The following GTF3A variants were observed in gnomAD, a reference collection of about 807,000 sequenced individuals.
GTF3A encodes transcription factor IIIA.
Under a neutral mutation model 37.6 loss-of-function variants are expected in GTF3A, and 40 were observed. The observed-to-expected ratio is 1.06, with a 90% confidence interval of 0.83 to 1.38. GTF3A has a LOEUF of 1.38. Ranked by LOEUF, GTF3A falls within the 40% of genes most tolerant of loss-of-function variation. GTF3A has a pLI of 0.00. For missense variants in GTF3A, 500 were observed against 462.6 expected (o/e 1.08, Z -0.74); for synonymous variants, 191 against 166.7 (o/e 1.15, Z -1.12).
At chr13:27,433,636 G>A (rs1214412247) in intron 5 of GTF3A, among the ~76,000 whole-genome samples, 1 of 151,682 alleles carries the variant, frequency 6.6e-6, no homozygotes, top group Admixed American at 6.6e-5. Flanking sequence ...GGAAGCCAGA[G>A]GTGGGCATGG....
At chr13:27,425,544 T>A (rs1232691736) in intron 1 of GTF3A, 1 of 152,538 alleles carries the variant, frequency 6.6e-6, no homozygotes, top group East Asian at 1.9e-4. Context: ...AAAGGGAGCC[T>A]GTGACCCTTG....
intron 3 of GTF3A, 50 bp from the exon 4 acceptor site, chr13:27,430,483 C>T (rs1300116788): frequency 8.9e-7 from 1 of 1,128,068 alleles, no homozygotes; most frequent in African/African-American, 1.5e-5. Context: ...ACGAACTGTT[C>T]ATTTTGTTTT....
intron 8 of GTF3A, 78 bp from the exon 9 acceptor site, chr13:27,435,355 G>T: frequency 7.0e-7 from 1 of 1,419,936 alleles, no homozygotes; most frequent in South Asian, 1.2e-5. Flanking sequence ...ATATCTGCTG[G>T]TACATATGAC....
At position 27,435,573 on chromosome 13, in the gene GTF3A, A is replaced by AGTT. The variant is rs771039997; in HGVS notation, c.1076_1078dup (p.Val359dup). 1.2e-6 allele frequency: 2 copies of AGTT among 1,613,760 alleles called. No homozygotes were observed. Among genetic ancestry groups the AGTT allele is most frequent in the East Asian group, 4.5e-5 (2 of 44,884 alleles). On this transcript the variant is annotated inframe_insertion, in exon 9 of 9. Transcript: ENST00000381140. Reference sequence around the variant, plus strand: ...GTGTGGAAGACAAGATGCTCTCGACAGTTGCAGTACTTACCCTTGGCTAAG... The same window carrying AGTT: ...GTGTGGAAGACAAGATGCTCTCGACAGTTGTTGCAGTACTTACCCTTGGCTAAG...
Position 27,424,635 on chromosome 13 carries a change from C to A in GTF3A, c.-103C>A. The A allele has an allele frequency of 1.3e-6, 1 of 789,360 alleles. No individual in the cohort carries two copies. Among genetic ancestry groups the A allele is most frequent in the Non-Finnish European group, 1.7e-6 (1 of 579,984 alleles). The allele number at this position is 789,360 out of a possible 1,614,324, so 48.9% of individuals were successfully genotyped here. ...CGCTCCCGGAAGTGTGCCGGCGTCG[C>A]GCGAAGGTTCAGCAGGGAGCCGTGG... On this transcript the variant is annotated 5_prime_UTR_variant, in exon 1 of 9. Coordinates refer to ENST00000381140, the MANE Select transcript of GTF3A (RefSeq NM_002097.3).
At position 27,424,908 on chromosome 13, in the gene GTF3A, T is replaced by A; in HGVS notation, c.171T>A (p.Leu57=). The change falls in exon 1 of 9, where the codon CTT becomes CTA. Residue 57 remains leucine (L), a synonymous_variant. Coordinates refer to ENST00000381140, the MANE Select transcript of GTF3A (RefSeq NM_002097.3). ...CCAATTACAGCAAAGCCTGGAAGCT[T>A]GACGCGCACCTGTGCAAGCACACGG... 6.5e-7 allele frequency: 1 copy of A among 1,549,764 alleles called. No individual in the cohort carries two copies. The highest frequency in any genetic ancestry group is 8.7e-7 in the Non-Finnish European group (1 of 1,146,176).
chr13:27,427,090 A>T lies in GTF3A; in HGVS notation c.202-2A>T. 6.7e-7 allele frequency: 1 copy of T among 1,485,448 alleles called. No individual in the cohort carries two copies. Among genetic ancestry groups the T allele is most frequent in the Non-Finnish European group, 9.4e-7 (1 of 1,063,778 alleles). The allele number at this position is 1,485,448 out of a possible 1,614,324, so 92.0% of individuals were successfully genotyped here. On this transcript the variant is annotated splice_acceptor_variant, in intron 1 of 8. Coordinates refer to ENST00000381140, the MANE Select transcript of GTF3A (RefSeq NM_002097.3). LOFTEE classifies it high-confidence loss of function. The stretch of plus-strand genomic sequence containing the variant: ...GACATGCTTTTTCTTTTTTCCTGCT[A>T]GAGACCATTTGTTTGTGACTATGAA...
rs1322956767 is a variant in GTF3A at position 27,428,871 on chromosome 13, C to G, written c.303-999C>G. On this transcript the variant is annotated intron_variant, in intron 2 of 8. Transcript: ENST00000381140. The stretch of plus-strand genomic sequence containing the variant: ...CACTGTGATGCCTGTTTGGGCCCAT[C>G]TGTCACATAAGCATGCCACTGGCAG... Among the ~76,000 whole-genome samples, 3 of 152,196 alleles carry G rather than the reference C, an allele frequency of 2.0e-5. No homozygotes were observed. The East Asian group carries it at 5.8e-4, about 29-fold the overall frequency.
rs772125013 is a variant in GTF3A, at chr13:27,424,745, C to A, written c.8C>A (p.Pro3Gln). 4.0e-5 allele frequency: 59 copies of A among 1,469,634 alleles called. No homozygotes were observed. In the African/African-American group the frequency reaches 8.3e-4, roughly 21 times the overall value. The allele number at this position is 1,469,634 out of a possible 1,614,324, so 91.0% of individuals were successfully genotyped here. A position where few individuals can be genotyped will look rare whatever the true frequency, so the allele number is the denominator to read the frequency against. The change falls in exon 1 of 9, where the codon CCG (proline) becomes CAG (glutamine). Residue 3 changes from proline to glutamine, a missense_variant. Pro to Gln is a moderately conservative substitution (Grantham distance 76). Coordinates refer to ENST00000381140, the MANE Select transcript of GTF3A (RefSeq NM_002097.3). ...CTTGGAGGCGCCGGCGCCCTGGATC[C>A]GCCGGCCGTGGTCGCCGAGTCGGTG...
rs748873906 is a variant in GTF3A, at chr13:27,435,458, G to A, written c.959G>A (p.Ser320Asn). Residue 320 changes from serine (S) to asparagine (N), a missense_variant, in exon 9 of 9, where the codon AGT (serine) becomes AAT (asparagine). Physicochemically the swap from Ser to Asn is conservative, Grantham distance 46. Coordinates refer to ENST00000381140, the MANE Select transcript of GTF3A (RefSeq NM_002097.3). ...GTCAAAAAATCTCGTGAAAAACGGA[G>A]TTTGGCCTCTCATCTCAGTGGATAT... is the stretch of plus-strand genomic sequence containing the variant. 18 of 1,613,180 alleles carry A rather than the reference G, an allele frequency of 1.1e-5. No homozygotes were observed. The African/African-American group carries it at 2.1e-4, about 19-fold the overall frequency.
chr13:27,430,664 G>A, intron 4 of GTF3A, 43 bp downstream of exon 4: 1 of 1,239,684 alleles, frequency 8.1e-7, no homozygotes, highest in Non-Finnish European at 1.2e-6. Flanking sequence ...TTCTAGGTGT[G>A]AATAAGATTG....
intron 5 of GTF3A, 54 bp from the exon 6 acceptor site, chr13:27,434,085 G>A: frequency 1.3e-6 from 1 of 771,436 alleles, no homozygotes; most frequent in Admixed American, 1.8e-5. Flanking sequence ...TCTAGTTATG[G>A]TCAGTGTTTA....
intron 4 of GTF3A, among the ~76,000 whole-genome samples, chr13:27,431,553 A>T (rs893210377): frequency 2.6e-5 from 4 of 151,750 alleles, no homozygotes; most frequent in Non-Finnish European, 4.4e-5. Context: ...ACCAAATACC[A>T]TAGTTTTCAC....
In GTF3A at chr13:27,435,635, G is replaced by A; in HGVS notation, c.*38G>A. Reference sequence around the variant, plus strand: ...TTTGTTTAAAGGACTGCAGACCAAGGAGCGAGCTTTCTCTCAGAGCATGCT... The same window carrying A: ...TTTGTTTAAAGGACTGCAGACCAAGAAGCGAGCTTTCTCTCAGAGCATGCT... On this transcript the variant is annotated 3_prime_UTR_variant, in exon 9 of 9. Coordinates refer to ENST00000381140, the MANE Select transcript of GTF3A (RefSeq NM_002097.3). 2 of 1,611,876 alleles carry A rather than the reference G, an allele frequency of 1.2e-6. No individual in the cohort carries two copies. Among genetic ancestry groups the A allele is most frequent in the Non-Finnish European group, 1.7e-6 (2 of 1,178,182 alleles).
Position 27,434,790 on chromosome 13 carries a change from T to C in GTF3A, c.644-15T>C, listed in dbSNP as rs574221045. On this transcript the variant is annotated splice_polypyrimidine_tract_variant and intron_variant, in intron 6 of 8. Transcript: ENST00000381140. ...TCTGGGGAAATTTGTGAAATTTGTCTGTCTGTCCCACCAGAGGAAATACTA... is the reference window on the plus strand; with the variant it reads ...TCTGGGGAAATTTGTGAAATTTGTCCGTCTGTCCCACCAGAGGAAATACTA... The C allele has an allele frequency of 7.3e-6, 11 of 1,504,748 alleles. No individual in the cohort carries two copies. In the African/African-American group the frequency reaches 8.3e-5, roughly 11 times the overall value. The allele number at this position is 1,504,748 out of a possible 1,614,324, so 93.2% of individuals were successfully genotyped here.
At chr13:27,427,875 TC>T (rs1953620165) in intron 2 of GTF3A, among the ~76,000 whole-genome samples, 1 of 152,166 alleles carries the variant, frequency 6.6e-6, no homozygotes, top group Non-Finnish European at 1.5e-5. Context: ...ACATGACTCT[TC>T]CAGCTCATGA....
intron 8 of GTF3A, 119 bp from the exon 9 acceptor site, chr13:27,435,313 CT>C: frequency 7.8e-7 from 1 of 1,279,286 alleles, no homozygotes. Context: ...CTGTTGAAGA[CT>C]TTACTTCCTC....
At chr13:27,431,185 G>C (rs563697398) in intron 4 of GTF3A, among the ~76,000 whole-genome samples, 1 of 147,312 alleles carries the variant, frequency 6.8e-6, no homozygotes, top group African/African-American at 2.7e-5. Context: ...TCGGGTGGCT[G>C]TAAGTATTTG....
intron 5 of GTF3A, among the ~76,000 whole-genome samples, chr13:27,433,817 G>C (rs1953681866): frequency 6.6e-6 from 1 of 152,130 alleles, no homozygotes; most frequent in South Asian, 2.1e-4. Context: ...AACTTCCTGA[G>C]AACTCTTAGA....
Sources: gnomAD v4.1 joint callset for allele counts (sites outside exome capture counted in the v4.1 genomes callset) on GRCh38, gnomAD v4.1.1 for gene constraint, MANE v1.5 for transcripts, NCBI Gene and HGNC (gene_info 2026-07-23, HGNC 2026-07-21) for gene names.